The following RAD51C variants were observed in gnomAD, a reference collection of about 807,000 sequenced individuals.
RAD51C encodes DNA repair protein RAD51 homolog 3.
A neutral mutation model predicts 45.0 loss-of-function variants in RAD51C; 42 were observed. The ratio of observed to expected loss-of-function variants is 0.93; its 90% CI spans 0.73 to 1.21. The LOEUF (loss-of-function observed/expected upper bound fraction) is 1.21, where lower values mean the gene tolerates loss of function less well. RAD51C is among the 50% of genes most tolerant of loss of function. The pLI, the probability that RAD51C is intolerant of heterozygous loss-of-function variation, is 0.00. For missense variants in RAD51C, 474 were observed against 452.2 expected, an observed-to-expected ratio of 1.05 and a Z score of -0.44; for synonymous variants, 172 against 159.8, an observed-to-expected ratio of 1.08 and a Z score of -0.58.
intron 7 of RAD51C, among the ~76,000 whole-genome samples, chr17:58,726,358 A>G (rs1336769744): frequency 6.7e-6 from 1 of 149,580 alleles, no homozygotes; most frequent in East Asian, 2.0e-4. Flanking sequence ...TGTGCAAAGC[A>G]CTGTATGTAT....
chr17:58,695,103 A>T lies in RAD51C; in HGVS notation c.318A>T (p.Ala106=), dbSNP rs781371468. ...GCTTCATAATCACCTTCTGTTCAGCACTAGATGATATTCTTGGGGGTGGAG... is the reference window on the plus strand; with the variant it reads ...GCTTCATAATCACCTTCTGTTCAGCTCTAGATGATATTCTTGGGGGTGGAG... ...TQGFIITFCS[A]LDDILGGGVP... The change falls in exon 2 of 9, where the codon GCA becomes GCT. Residue 106 remains alanine (A), a synonymous_variant. Transcript: ENST00000337432. The T allele has an allele frequency of 1.2e-6, 2 of 1,614,140 alleles. No individual in the cohort carries two copies. Among genetic ancestry groups the T allele is most frequent in the Non-Finnish European group, 1.7e-6 (2 of 1,180,028 alleles).
chr17:58,712,120 G>C (rs1033294850), intron 5 of RAD51C, among the ~76,000 whole-genome samples: 1 of 151,950 alleles, frequency 6.6e-6, no homozygotes, highest in African/African-American at 2.4e-5. Context: ...AGACTGAGGT[G>C]GGCGGATCAT....
At chr17:58,692,945 C>G (rs1337713409) in intron 1 of RAD51C, 157 bp downstream of exon 1, 1 of 1,084,650 alleles carries the variant, frequency 9.2e-7, no homozygotes, top group Non-Finnish European at 1.3e-6. Flanking sequence ...ACTCCACTTA[C>G]AAGTTGTCTG....
At position 58,707,476 on chromosome 17, in the gene RAD51C, C is replaced by T. The variant is rs141363700; in HGVS notation, c.706-2383C>T. Among the ~76,000 whole-genome samples the T allele has an allele frequency of 6.3e-4, 96 of 151,186 alleles. No individual in the cohort carries two copies. The East Asian group carries it at 0.014, about 23-fold the overall frequency. ...GGTGGAGGTTGCAGTGAGCCAAGAA[C>T]GCACCACTGCACTCCAGCCTGGGCA... On this transcript the variant is annotated intron_variant, in intron 4 of 8. Coordinates refer to ENST00000337432, the MANE Select transcript of RAD51C (RefSeq NM_058216.3).
chr17:58,700,479 A>G (rs916091279), intron 3 of RAD51C, among the ~76,000 whole-genome samples: 3 of 152,020 alleles, frequency 2.0e-5, no homozygotes, highest in African/African-American at 7.2e-5. Context: ...GTCTCAGTCC[A>G]TCATCCAGGC....
chr17:58,703,775 A>G (rs1048100090), intron 4 of RAD51C, among the ~76,000 whole-genome samples: 1 of 151,692 alleles, frequency 6.6e-6, no homozygotes, highest in African/African-American at 2.4e-5. Flanking sequence ...CCTGGGCAAC[A>G]TAGTAAGACA....
At chr17:58,702,431 G>T (rs933004218) in intron 3 of RAD51C, among the ~76,000 whole-genome samples, 2 of 152,050 alleles carry the variant, frequency 1.3e-5, no homozygotes, top group East Asian at 3.8e-4. Context: ...GTTCATGCCT[G>T]TAATCCCAGG....
rs749208768 is a variant in RAD51C, at chr17:58,732,495, T to C, written c.977T>C (p.Leu326Ser). Reference protein sequence around the residue: ...HWDRKQRLATLYKSPSQKECT... With the variant: ...HWDRKQRLATSYKSPSQKECT... ...TTTTCTTTAAGCAGGTTGGCAACATTGTACAAGTCACCCAGCCAGAAGGAA... is the reference window on the plus strand; with the variant it reads ...TTTTCTTTAAGCAGGTTGGCAACATCGTACAAGTCACCCAGCCAGAAGGAA... The change falls in exon 8 of 9, where the codon TTG becomes TCG. Residue 326 changes from leucine (L) to serine (S), a missense_variant. Transcript: ENST00000337432. 2 of 1,613,216 alleles carry C rather than the reference T, an allele frequency of 1.2e-6. No individual in the cohort carries two copies. The highest frequency in any genetic ancestry group is 2.2e-5 in the South Asian group (2 of 91,054).
chr17:58,693,314 CG>C (rs2047860470), intron 1 of RAD51C: 1 of 166,354 alleles, frequency 6.0e-6, no homozygotes, highest in South Asian at 1.3e-4. Context: ...TATTCTCTTA[CG>C]TAATTAACTG....
chr17:58,726,422 GTA>G (rs1374110630), intron 7 of RAD51C, among the ~76,000 whole-genome samples: 1 of 148,910 alleles, frequency 6.7e-6, no homozygotes, highest in Non-Finnish European at 1.5e-5. Flanking sequence ...TAGATTATAT[GTA>G]TATATGTGTA....
rs1335081945 is a variant in RAD51C, at chr17:58,715,143, AC to A, written c.837+5154del. Among the ~76,000 whole-genome samples the A allele has an allele frequency of 1.2e-4, 17 of 144,042 alleles. No individual in the cohort carries two copies. In the East Asian group the frequency reaches 1.8e-3, roughly 15 times the overall value. 94.5% of individuals were successfully genotyped at this position (144,042 alleles called of 152,430 possible). On this transcript the variant is annotated intron_variant, in intron 5 of 8. Transcript: ENST00000337432. ...GTTCCAGATTATTAAAAAAAAAAAA[AC>A]AAAAAAAAACAAAAAACCTCTTTTC...
chr17:58,704,452 T>C (rs2048314489), intron 4 of RAD51C, among the ~76,000 whole-genome samples: 1 of 151,882 alleles, frequency 6.6e-6, no homozygotes, highest in Non-Finnish European at 1.5e-5. Context: ...TTTTTTTTTT[T>C]TTATATTTTT....
rs776711046 is a variant in RAD51C at position 58,720,808 on chromosome 17, A to G, written c.900A>G (p.Ala300=). 2 of 1,609,166 alleles carry G rather than the reference A, an allele frequency of 1.2e-6. No homozygotes were observed. The highest frequency in any genetic ancestry group is 2.2e-5 in the South Asian group (2 of 91,004). Residue 300 remains alanine (A), a synonymous_variant, in exon 6 of 9, where the codon GCA becomes GCG. Coordinates refer to ENST00000337432, the MANE Select transcript of RAD51C (RefSeq NM_058216.3). The stretch of plus-strand genomic sequence containing the variant: ...GAAATCAGGCCTTGCTTGTTCCTGC[A>G]TTAGGTGGGTAATTAATCAGATAAA... ...IDRNQALLVP[A]LGESWGHAAT...
intron 5 of RAD51C, among the ~76,000 whole-genome samples, chr17:58,711,733 A>C (rs1280274688): frequency 6.6e-6 from 1 of 151,974 alleles, no homozygotes; most frequent in Non-Finnish European, 1.5e-5. Flanking sequence ...CAGCCTCCTA[A>C]AGTACTAGGA....
rs730881933 is a variant in RAD51C, at chr17:58,724,101, G to A, written c.965+1G>A. On this transcript the variant is annotated splice_donor_variant, in intron 7 of 8. Coordinates refer to ENST00000337432, the MANE Select transcript of RAD51C (RefSeq NM_058216.3). LOFTEE classifies it high-confidence loss of function. Reference sequence around the variant, plus strand: ...TCTTTCATTGGGACCGAAAGCAAAGGTCAGTACAGAAACAAGTTAATAACT... The same window carrying A: ...TCTTTCATTGGGACCGAAAGCAAAGATCAGTACAGAAACAAGTTAATAACT... 1 of 1,609,744 alleles carries A rather than the reference G, an allele frequency of 6.2e-7. No individual in the cohort carries two copies. The highest frequency in any genetic ancestry group is 8.5e-7 in the Non-Finnish European group (1 of 1,176,132).
intron 5 of RAD51C, among the ~76,000 whole-genome samples, chr17:58,714,199 G>A (rs941414578): frequency 6.6e-6 from 1 of 151,998 alleles, no homozygotes; most frequent in Non-Finnish European, 1.5e-5. Context: ...TGGCCAGGCT[G>A]GTCTCAAACT....
intron 1 of RAD51C, chr17:58,693,852 C>T (rs1484048413): frequency 1.3e-5 from 2 of 152,210 alleles, no homozygotes; most frequent in Non-Finnish European, 2.9e-5. Context: ...CAATCTAATT[C>T]CAGCATTCAG....
intron 8 of RAD51C, 118 bp downstream of exon 8, chr17:58,732,662 C>A: frequency 1.1e-6 from 1 of 916,244 alleles, no homozygotes; most frequent in African/African-American, 1.6e-5. Flanking sequence ...TTGAGGACAG[C>A]TTTTGATGCT....
chr17:58,722,248 A>G (rs1008166146), intron 6 of RAD51C, among the ~76,000 whole-genome samples: 8 of 152,166 alleles, frequency 5.3e-5, no homozygotes, highest in Non-Finnish European at 1.2e-4. Context: ...CCTCAGGAAT[A>G]TTATGCTTAA....
Sources: gnomAD v4.1 joint callset for allele counts (sites outside exome capture counted in the v4.1 genomes callset) on GRCh38, gnomAD v4.1.1 for gene constraint, MANE v1.5 for transcripts, NCBI Gene and HGNC (gene_info 2026-07-23, HGNC 2026-07-21) for gene names.